Variants in SPOCK3 observed in about 807,000 individuals in gnomAD.
The protein encoded by SPOCK3 is testican-3.
In SPOCK3, 30 loss-of-function variants were observed where a neutral mutation model predicts 56.6. The ratio of observed to expected loss-of-function variants is 0.53; its 90% confidence interval spans 0.40 to 0.72. SPOCK3 has a LOEUF of 0.72. Ranked by LOEUF, SPOCK3 falls within the 30% of genes least tolerant of loss-of-function variation. The probability of loss-of-function intolerance (pLI) is 0.00; values close to 1 mark genes in which losing one functional copy is unlikely to be tolerated. For missense variants in SPOCK3, 527 were observed against 530.0 expected, an observed-to-expected ratio of 0.99 and a Z score of 0.06; for synonymous variants, 196 against 183.3, an observed-to-expected ratio of 1.07 and a Z score of -0.56.
At chr4:167,230,444 T>C (rs1350631307) in intron 2 of SPOCK3, among the ~76,000 whole-genome samples, 2 of 140,586 alleles carry the variant, frequency 1.4e-5, no homozygotes, top group African/African-American at 2.7e-5. Flanking sequence ...CCCACAATTT[T>C]CCCACTGAGG....
At chr4:167,234,199 TG>T (rs751365001) in intron 1 of SPOCK3, 26 bp from the exon 2 acceptor site, 41 of 873,454 alleles carry the variant, frequency 4.7e-5, no homozygotes, top group African/African-American at 2.9e-4. Flanking sequence ...CAACGGGGGG[TG>T]GGGGGGCATG....
chr4:167,070,935 T>C (rs1403281925), intron 2 of SPOCK3, among the ~76,000 whole-genome samples: 1 of 152,020 alleles, frequency 6.6e-6, no homozygotes, highest in African/African-American at 2.4e-5. Flanking sequence ...ATGTTGTGTC[T>C]TAGAATCCTG....
At chr4:167,188,613 C>A (rs891669757) in intron 2 of SPOCK3, among the ~76,000 whole-genome samples, 1 of 144,466 alleles carries the variant, frequency 6.9e-6, no homozygotes. Context: ...AATTTGAGCC[C>A]CAAATAAGCG....
chr4:167,100,735 T>G (rs574855581), intron 2 of SPOCK3, among the ~76,000 whole-genome samples: 2 of 152,156 alleles, frequency 1.3e-5, no homozygotes, highest in Non-Finnish European at 2.9e-5. Context: ...GTTGGTTAAT[T>G]TATAAGTAGA....
Position 167,234,103 on chromosome 4 carries a change from G to A in SPOCK3, c.71C>T (p.Ala24Val). 6.2e-7 allele frequency: 1 copy of A among 1,613,906 alleles called. No homozygotes were observed. Among genetic ancestry groups the A allele is most frequent in the Non-Finnish European group, 8.5e-7 (1 of 1,179,992 alleles). Residue 24 changes from alanine (A) to valine (V), a missense_variant, in exon 2 of 11, where the codon GCG becomes GTG. Coordinates refer to ENST00000357545, the MANE Select transcript of SPOCK3 (RefSeq NM_001040159.2). ...CCGCCCCCCGGCTGCAGCCACCGCC[G>A]CGGCAGCTGCGAGAGACTGACTGCA... is the stretch of plus-strand genomic sequence containing the variant. Reference protein sequence around the residue: ...AWCSQSLAAAAAVAAAGGRSD... With the variant: ...AWCSQSLAAAVAVAAAGGRSD...
At chr4:166,941,938 C>A (rs1741111871) in intron 4 of SPOCK3, among the ~76,000 whole-genome samples, 1 of 152,146 alleles carries the variant, frequency 6.6e-6, no homozygotes, top group South Asian at 2.1e-4. Flanking sequence ...CAAAGGCACC[C>A]AGCTAAGCTG....
intron 3 of SPOCK3, among the ~76,000 whole-genome samples, chr4:167,002,121 G>T (rs905622185): frequency 2.0e-5 from 3 of 151,908 alleles, no homozygotes; most frequent in Non-Finnish European, 4.4e-5. Context: ...ACCATGCCCA[G>T]ATAATTTTTG....
At chr4:166,893,286 C>T (rs1267666985) in intron 5 of SPOCK3, among the ~76,000 whole-genome samples, 2 of 152,078 alleles carry the variant, frequency 1.3e-5, no homozygotes, top group Non-Finnish European at 2.9e-5. Context: ...TCCATATTTC[C>T]CTTAGGAATT....
intron 4 of SPOCK3, among the ~76,000 whole-genome samples, chr4:166,963,177 C>A (rs1744332644): frequency 6.6e-6 from 1 of 152,002 alleles, no homozygotes; most frequent in Admixed American, 6.6e-5. Flanking sequence ...TCATAACTTT[C>A]TCCCTGATCA....
chr4:166,830,857 G>T (rs1214698508), intron 6 of SPOCK3, among the ~76,000 whole-genome samples: 1 of 152,080 alleles, frequency 6.6e-6, no homozygotes, highest in Non-Finnish European at 1.5e-5. Context: ...AAAAGCTAGA[G>T]AACTTCCTCA....
intron 5 of SPOCK3, among the ~76,000 whole-genome samples, chr4:166,899,508 C>CTTTTTTTTTTTTTTT (rs781766258): frequency 1.2e-4 from 14 of 119,096 alleles, no homozygotes; most frequent in Non-Finnish European, 1.7e-4. Context: ...TTCTTTCTTT[C>CTTTTTTTTTTTTTTT]TTTTTTTTTT....
chr4:167,180,904 T>A (rs2110752076), intron 2 of SPOCK3, among the ~76,000 whole-genome samples: 2 of 152,302 alleles, frequency 1.3e-5, no homozygotes, highest in East Asian at 1.9e-4. Context: ...ACATAAAATT[T>A]AAAAATATAG....
chr4:166,983,881 G>T (rs1419320857), intron 4 of SPOCK3, among the ~76,000 whole-genome samples: 4 of 152,106 alleles, frequency 2.6e-5, no homozygotes, highest in African/African-American at 9.6e-5. Flanking sequence ...ATGTCTTACA[G>T]ATAGTAGGTA....
chr4:167,099,669 C>T (rs1759460805), intron 2 of SPOCK3, among the ~76,000 whole-genome samples: 1 of 151,974 alleles, frequency 6.6e-6, no homozygotes. Context: ...TCTGAAACCA[C>T]CAGGTACATA....
Position 167,153,550 on chromosome 4 carries a change from A to G in SPOCK3, c.189+80435T>C, listed in dbSNP as rs115079330. Among the ~76,000 whole-genome samples, 1,488 of 152,304 alleles carry G rather than the reference A, an allele frequency of 9.8e-3. 15 individuals are homozygous for G. Among genetic ancestry groups the G allele is most frequent in the Non-Finnish European group, 0.013 (913 of 68,026 alleles). On this transcript the variant is annotated intron_variant, in intron 2 of 10. Coordinates refer to ENST00000357545, the MANE Select transcript of SPOCK3 (RefSeq NM_001040159.2). ...CAGTGATCCATAACCACACAGCACTAGTGGCTACAGTATTGGATAATGCAA... is the reference window on the plus strand; with the variant it reads ...CAGTGATCCATAACCACACAGCACTGGTGGCTACAGTATTGGATAATGCAA...
intron 2 of SPOCK3, among the ~76,000 whole-genome samples, chr4:167,173,672 T>C (rs1434759571): frequency 2.0e-5 from 3 of 152,162 alleles, no homozygotes; most frequent in Non-Finnish European, 4.4e-5. Flanking sequence ...TTTGAGTGCC[T>C]ACTGAGTAAT....
chr4:167,099,450 T>A (rs929576060), intron 2 of SPOCK3, among the ~76,000 whole-genome samples: 1 of 151,950 alleles, frequency 6.6e-6, no homozygotes, highest in Admixed American at 6.6e-5. Context: ...TAGATGCACA[T>A]GTGACAAATA....
intron 3 of SPOCK3, among the ~76,000 whole-genome samples, chr4:167,056,847 G>A (rs1265302270): frequency 1.3e-5 from 2 of 152,202 alleles, no homozygotes; most frequent in African/African-American, 4.8e-5. Context: ...ATAGAACCAA[G>A]TTGGAAAACA....
intron 3 of SPOCK3, among the ~76,000 whole-genome samples, chr4:167,036,941 T>C (rs1439285594): frequency 1.3e-5 from 2 of 152,158 alleles, no homozygotes; most frequent in African/African-American, 4.8e-5. Flanking sequence ...TCTCCCTGGG[T>C]GAGATTTTGG....
Sources: allele counts gnomAD v4.1 joint callset (sites outside exome capture counted in the v4.1 genomes callset), GRCh38; gene constraint gnomAD v4.1.1; transcripts MANE v1.5; gene names NCBI Gene and HGNC (gene_info 2026-07-23, HGNC 2026-07-21).